Variants in GARIN2 observed in about 807,000 individuals in gnomAD.
GARIN2 encodes the protein golgi associated RAB2 interactor family member 2.
chr14:67,214,481 T>C, the GARIN2 span, among the ~76,000 whole-genome samples: 4 of 152,202 alleles, frequency 2.6e-5, no homozygotes, highest in African/African-American at 9.7e-5. Flanking sequence ...GTTGTAGACG[T>C]GCGGCGTTAT....
the GARIN2 span, among the ~76,000 whole-genome samples, chr14:67,226,732 C>A: frequency 1.3e-5 from 2 of 152,170 alleles, no homozygotes; most frequent in Non-Finnish European, 2.9e-5. Flanking sequence ...CAGAGGAGAA[C>A]AATGTGGCTG....
chr14:67,219,143 G>T, the GARIN2 span, among the ~76,000 whole-genome samples: 1 of 152,140 alleles, frequency 6.6e-6, no homozygotes, highest in Admixed American at 6.5e-5. Context: ...TTAACCTGGG[G>T]CAATGCAGCT....
the GARIN2 span, chr14:67,208,462 G>C: frequency 6.2e-7 from 1 of 1,605,442 alleles, no homozygotes; most frequent in South Asian, 1.1e-5. Flanking sequence ...ATGTGAGGCA[G>C]GAACATGCCA....
chr14:67,195,783 G>A, the GARIN2 span, among the ~76,000 whole-genome samples: 29 of 148,112 alleles, frequency 2.0e-4, no homozygotes, highest in East Asian at 4.2e-3. Context: ...TTGCTCTGTC[G>A]CCCAGGCTGG....
the GARIN2 span, among the ~76,000 whole-genome samples, chr14:67,219,651 A>T: frequency 1.1e-3 from 160 of 152,328 alleles, no homozygotes; most frequent in African/African-American, 3.6e-3. Context: ...TATTATGATC[A>T]TTATTAGAAA....
At chr14:67,225,385 A>T in the GARIN2 span, 1 of 591,122 alleles carries the variant, frequency 1.7e-6, no homozygotes. Context: ...TAGTAACAAT[A>T]TAAGTGGAAT....
At chr14:67,225,056 C>T in the GARIN2 span, 44 of 1,381,078 alleles carry the variant, frequency 3.2e-5, no homozygotes, top group Middle Eastern at 1.8e-4. Context: ...TTTTTTCTTT[C>T]TCACTTCCTC....
At chr14:67,203,111 A>G in the GARIN2 span, 6 of 1,613,176 alleles carry the variant, frequency 3.7e-6, no homozygotes, top group East Asian at 1.3e-4. Flanking sequence ...GAAGAGGTGA[A>G]TCCATTTACC....
the GARIN2 span, chr14:67,228,407 T>A: frequency 2.3e-6 from 1 of 433,386 alleles, no homozygotes; most frequent in Non-Finnish European, 3.1e-6. Context: ...TTAAATGAAC[T>A]GACTTCTCCA....
At chr14:67,215,242 T>C in the GARIN2 span, among the ~76,000 whole-genome samples, 1 of 152,122 alleles carries the variant, frequency 6.6e-6, no homozygotes, top group Non-Finnish European at 1.5e-5. Flanking sequence ...AACTATAGGC[T>C]CACCAGGAAT....
At chr14:67,209,487 AT>A in the GARIN2 span, among the ~76,000 whole-genome samples, 3 of 152,224 alleles carry the variant, frequency 2.0e-5, no homozygotes, top group African/African-American at 7.2e-5. Flanking sequence ...TTTTAAAAAA[AT>A]AAATACACTC....
At chr14:67,221,558 T>C in the GARIN2 span, among the ~76,000 whole-genome samples, 2 of 152,350 alleles carry the variant, frequency 1.3e-5, no homozygotes, top group Non-Finnish European at 2.9e-5. Context: ...CAATAAACTT[T>C]TACGGCTTTT....
At chr14:67,221,419 A>C in the GARIN2 span, among the ~76,000 whole-genome samples, 1 of 152,212 alleles carries the variant, frequency 6.6e-6, no homozygotes, top group East Asian at 1.9e-4. Flanking sequence ...TACACGGCTC[A>C]GCAGCAGCAG....
chr14:67,218,778 G>T, the GARIN2 span, among the ~76,000 whole-genome samples: 11 of 151,946 alleles, frequency 7.2e-5, no homozygotes, highest in African/African-American at 2.7e-4. Flanking sequence ...AGGTTCAGGG[G>T]TCTCTCTCAT....
chr14:67,225,694 C>T, the GARIN2 span, among the ~76,000 whole-genome samples: 9 of 152,146 alleles, frequency 5.9e-5, no homozygotes, highest in Non-Finnish European at 1.3e-4. Flanking sequence ...AGCTTGTACA[C>T]ACCATACACA....
chr14:67,212,080 G>A, the GARIN2 span, among the ~76,000 whole-genome samples: 1 of 152,208 alleles, frequency 6.6e-6, no homozygotes, highest in Non-Finnish European at 1.5e-5. Flanking sequence ...GCATGCTAAA[G>A]TCAAATATAG....
chr14:67,225,439 A>G, the GARIN2 span, among the ~76,000 whole-genome samples: 2 of 152,206 alleles, frequency 1.3e-5, no homozygotes, highest in Non-Finnish European at 2.9e-5. Context: ...AGAATCCATC[A>G]TGGGTCAAAA....
At chr14:67,203,317 A>G in the GARIN2 span, 1 of 1,535,808 alleles carries the variant, frequency 6.5e-7, no homozygotes, top group Non-Finnish European at 8.8e-7. Context: ...AGAAGAGGTT[A>G]AAGATCTCTC....
the GARIN2 span, chr14:67,198,290 T>C: frequency 6.2e-7 from 1 of 1,613,790 alleles, no homozygotes; most frequent in Admixed American, 1.7e-5. Context: ...CTTTTGTATC[T>C]CCTCCCATGT....
Sources: gnomAD v4.1 joint callset for allele counts (sites outside exome capture counted in the v4.1 genomes callset) on GRCh38, gnomAD v4.1.1 for gene constraint, MANE v1.5 for transcripts, NCBI Gene and HGNC (gene_info 2026-07-23, HGNC 2026-07-21) for gene names.